Variants in CSMD2 observed in about 807,000 individuals in gnomAD.
CSMD2 encodes CUB and sushi domain-containing protein 2.
In CSMD2, 130 loss-of-function variants were observed where a neutral mutation model predicts 398.5. The observed-to-expected ratio is 0.33, with a 90% confidence interval of 0.28 to 0.38. The LOEUF is 0.38. Among genes scored for constraint, CSMD2 ranks in the 10% least tolerant of loss-of-function variants. The pLI, the probability that CSMD2 is intolerant of heterozygous loss-of-function variation, is 1.00. For synonymous variants in CSMD2, 1,828 were observed against 1,908.5 expected (o/e 0.96, Z 1.10); for missense variants, 3,829 against 4,764.9 (o/e 0.80, Z 5.78).
chr1:33,643,349 C>T (rs1031778161), intron 29 of CSMD2, among the ~76,000 whole-genome samples: 3 of 152,244 alleles, frequency 2.0e-5, no homozygotes, highest in Non-Finnish European at 4.4e-5. Context: ...ATTATGCTCA[C>T]ACTTTACATC....
intron 23 of CSMD2, among the ~76,000 whole-genome samples, chr1:33,700,158 G>A (rs896162914): frequency 6.6e-6 from 1 of 151,898 alleles, no homozygotes; most frequent in Admixed American, 6.6e-5. Flanking sequence ...ACAGGCACCC[G>A]CCACCACGCC....
chr1:34,106,468 T>C (rs890251621), intron 1 of CSMD2, among the ~76,000 whole-genome samples: 6 of 152,116 alleles, frequency 3.9e-5, no homozygotes, highest in Non-Finnish European at 7.4e-5. Context: ...CAAGTAGCAA[T>C]GGAAAAGCTG....
intron 2 of CSMD2, among the ~76,000 whole-genome samples, chr1:34,061,292 G>C (rs920584490): frequency 6.6e-6 from 1 of 152,190 alleles, no homozygotes; most frequent in Non-Finnish European, 1.5e-5. Flanking sequence ...CCAGGCCCTT[G>C]TGTGCCACAT....
chr1:33,888,905 C>A (rs1014059751), intron 5 of CSMD2, among the ~76,000 whole-genome samples: 3 of 152,032 alleles, frequency 2.0e-5, no homozygotes, highest in Admixed American at 6.5e-5. Flanking sequence ...GTAGCTGGGA[C>A]TATAGGCGCC....
At chr1:33,970,588 G>C (rs1016312285) in intron 3 of CSMD2, among the ~76,000 whole-genome samples, 7 of 152,176 alleles carry the variant, frequency 4.6e-5, no homozygotes, top group Non-Finnish European at 1.0e-4. Context: ...CCACTCAACA[G>C]GGCAGCTCTC....
intron 2 of CSMD2, among the ~76,000 whole-genome samples, chr1:34,074,306 C>T (rs1406354420): frequency 6.6e-6 from 1 of 152,186 alleles, no homozygotes; most frequent in Non-Finnish European, 1.5e-5. Flanking sequence ...TGAACAATGT[C>T]TATTTAAAAC....
At chr1:34,127,338 G>A (rs1011346052) in intron 1 of CSMD2, among the ~76,000 whole-genome samples, 3 of 152,194 alleles carry the variant, frequency 2.0e-5, no homozygotes, top group Admixed American at 2.0e-4. Flanking sequence ...TTTTGAACCT[G>A]TTTTAAATTC....
intron 13 of CSMD2, 130 bp from the exon 14 acceptor site, chr1:33,743,736 T>C: frequency 1.4e-6 from 1 of 690,124 alleles, no homozygotes; most frequent in South Asian, 2.1e-5. Flanking sequence ...AGGGTTGGGC[T>C]GGACTGGCTG....
chr1:33,798,033 G>C (rs902541386), intron 10 of CSMD2, among the ~76,000 whole-genome samples: 5 of 152,162 alleles, frequency 3.3e-5, no homozygotes, highest in Non-Finnish European at 5.9e-5. Context: ...CATACACAAT[G>C]CTGCAGTTTC....
chr1:33,672,123 C>T (rs1644522344), intron 25 of CSMD2, among the ~76,000 whole-genome samples: 1 of 152,174 alleles, frequency 6.6e-6, no homozygotes, highest in Admixed American at 6.5e-5. Context: ...CTGGGGAGTG[C>T]CGGACAGTGG....
chr1:33,580,975 A>G, intron 47 of CSMD2, 76 bp from the exon 48 acceptor site: 1 of 1,493,510 alleles, frequency 6.7e-7, no homozygotes, highest in Non-Finnish European at 9.1e-7. Context: ...CTCAGGGCTC[A>G]GAGGGTGGGG....
At chr1:34,152,687 G>A (rs527554108) in intron 1 of CSMD2, among the ~76,000 whole-genome samples, 66 of 152,304 alleles carry the variant, frequency 4.3e-4, no homozygotes, top group African/African-American at 1.5e-3. Flanking sequence ...TGTCTAAAGA[G>A]TTGTCCCTCT....
intron 1 of CSMD2, among the ~76,000 whole-genome samples, chr1:34,117,549 A>C (rs1258747999): frequency 6.6e-6 from 1 of 152,138 alleles, no homozygotes. Context: ...ACTAACATCA[A>C]TGCTTTTTAA....
chr1:33,912,235 T>TA (rs956364175), intron 5 of CSMD2, among the ~76,000 whole-genome samples: 16 of 151,408 alleles, frequency 1.1e-4, no homozygotes, highest in African/African-American at 3.4e-4. Flanking sequence ...GTGAAATAGA[T>TA]AAAAAAAGAA....
intron 62 of CSMD2, among the ~76,000 whole-genome samples, chr1:33,534,464 C>A (rs947905340): frequency 4.6e-5 from 7 of 152,162 alleles, no homozygotes; most frequent in African/African-American, 1.7e-4. Flanking sequence ...GAACGAACTG[C>A]CACCCTCCCT....
chr1:33,641,157 C>A (rs985885272), intron 29 of CSMD2, among the ~76,000 whole-genome samples: 1 of 152,150 alleles, frequency 6.6e-6, no homozygotes, highest in African/African-American at 2.4e-5. Flanking sequence ...CTCAGAGGAG[C>A]CTGTTGTTTT....
intron 3 of CSMD2, among the ~76,000 whole-genome samples, chr1:34,022,859 T>C (rs1649104046): frequency 1.3e-5 from 2 of 152,160 alleles, no homozygotes; most frequent in African/African-American, 4.8e-5. Flanking sequence ...TGAGACAGAA[T>C]CTTGTTCTGT....
chr1:33,744,887 G>A (rs1647221314), intron 13 of CSMD2, among the ~76,000 whole-genome samples: 1 of 152,150 alleles, frequency 6.6e-6, no homozygotes, highest in Non-Finnish European at 1.5e-5. Context: ...AAACTGATAT[G>A]ATCCTTTTTG....
At position 33,823,195 on chromosome 1, in the gene CSMD2, AC is replaced by A. The variant is rs778067724; in HGVS notation, c.1111+2501del. On this transcript the variant is annotated intron_variant, in intron 7 of 70. Coordinates refer to ENST00000373381, the MANE Select transcript of CSMD2 (RefSeq NM_001281956.2). Reference sequence around the variant, plus strand: ...CTTTCCTCAGCCAGCCCCAGGTGAAACCCAGGCACCATCCAGAAAGTCACAA... The same window carrying A: ...CTTTCCTCAGCCAGCCCCAGGTGAAACCAGGCACCATCCAGAAAGTCACAA... Among the ~76,000 whole-genome samples, 194 of 152,220 alleles carry A rather than the reference AC, an allele frequency of 1.3e-3. 2 individuals are homozygous for A. Among genetic ancestry groups the A allele is most frequent in the Non-Finnish European group, 2.2e-3 (151 of 68,014 alleles).
Sources: allele counts gnomAD v4.1 joint callset (sites outside exome capture counted in the v4.1 genomes callset), GRCh38; gene constraint gnomAD v4.1.1; transcripts MANE v1.5; gene names NCBI Gene and HGNC (gene_info 2026-07-23, HGNC 2026-07-21).